The following PCNX2 variants were observed in gnomAD, a reference collection of about 807,000 sequenced individuals.
The protein encoded by PCNX2 is pecanex 2.
In PCNX2, 168 loss-of-function variants were observed where a neutral mutation model predicts 223.8. That is an observed-to-expected ratio of 0.75 (90% CI 0.66 to 0.85). The LOEUF (loss-of-function observed/expected upper bound fraction) is 0.85. Among genes scored for constraint, PCNX2 ranks in the 40% least tolerant of loss-of-function variants. The pLI, the probability that PCNX2 is intolerant of heterozygous loss-of-function variation, is 0.00. For missense variants in PCNX2, 2,507 were observed against 2,675.5 expected (o/e 0.94, Z 1.39); for synonymous variants, 1,006 against 1,052.6 (o/e 0.96, Z 0.86).
intron 23 of PCNX2, among the ~76,000 whole-genome samples, chr1:233,074,644 C>T (rs1165535161): frequency 7.5e-6 from 1 of 132,748 alleles, no homozygotes; most frequent in Non-Finnish European, 1.6e-5. Flanking sequence ...AGACAAGCTA[C>T]AGACTGGAAT....
intron 10 of PCNX2, among the ~76,000 whole-genome samples, chr1:233,221,188 T>A (rs1657355751): frequency 1.1e-5 from 1 of 89,218 alleles, no homozygotes. Context: ...AGGCTCAAGT[T>A]GAATTTTTTT....
chr1:233,177,749 C>T (rs1679562011), intron 17 of PCNX2, 53 bp downstream of exon 17: 3 of 1,462,886 alleles, frequency 2.1e-6, no homozygotes, highest in South Asian at 2.3e-5. Context: ...AGCCTGATCT[C>T]TGCTGAAAGA....
At chr1:233,161,430 A>G (rs41307672) in intron 17 of PCNX2, 67 bp from the exon 18 acceptor site, 22,243 of 1,366,798 alleles carry the variant, frequency 0.016, 260 homozygotes, top group Non-Finnish European at 0.019. Flanking sequence ...GTAACCAGGT[A>G]AATCAAGCAG....
intron 1 of PCNX2, among the ~76,000 whole-genome samples, chr1:233,266,114 CAG>C (rs528505041): frequency 2.7e-4 from 41 of 152,160 alleles, no homozygotes; most frequent in Non-Finnish European, 5.6e-4. Context: ...TAGTGGGAGA[CAG>C]AGATTTTACT....
intron 21 of PCNX2, among the ~76,000 whole-genome samples, chr1:233,130,142 C>G (rs1676384221): frequency 6.6e-6 from 1 of 152,150 alleles, no homozygotes; most frequent in Non-Finnish European, 1.5e-5. Context: ...AGACCACGAA[C>G]CCACCAGAAG....
chr1:233,183,472 T>C (rs978845727), intron 15 of PCNX2, among the ~76,000 whole-genome samples: 3 of 152,070 alleles, frequency 2.0e-5, no homozygotes, highest in African/African-American at 7.2e-5. Flanking sequence ...AGGAATTGAG[T>C]AGCTTACATC....
chr1:233,298,671 C>G (rs1367667057), upstream of PCNX2, among the ~76,000 whole-genome samples: 2 of 152,016 alleles, frequency 1.3e-5, no homozygotes, highest in Non-Finnish European at 2.9e-5. Flanking sequence ...GGTGGATCAC[C>G]TGAGGTCAGG....
intron 5 of PCNX2, 84 bp from the exon 6 acceptor site, chr1:233,252,872 C>A: frequency 7.4e-7 from 1 of 1,346,238 alleles, no homozygotes; most frequent in East Asian, 2.6e-5. Flanking sequence ...AAAACTGAAA[C>A]AAGAATAGAA....
At position 233,263,102 on chromosome 1, in the gene PCNX2, G is replaced by T. The variant is rs1660144242; in HGVS notation, c.215C>A (p.Thr72Lys). 6.2e-7 allele frequency: 1 copy of T among 1,613,148 alleles called. No homozygotes were observed. Among genetic ancestry groups the T allele is most frequent in the Non-Finnish European group, 8.5e-7 (1 of 1,179,384 alleles). The stretch of plus-strand genomic sequence containing the variant: ...GCGATAACTGACCAGTTTGATTATT[G>T]TGAAGAATATAGTCACTGCACTGCA... Reference protein sequence around the residue: ...FYCSAVTIFFTIIKLVSYRLH... With the variant: ...FYCSAVTIFFKIIKLVSYRLH... The change falls in exon 2 of 34, where the codon ACA (threonine) becomes AAA (lysine). Residue 72 changes from threonine to lysine, a missense_variant. By Grantham distance (78) the Thr-to-Lys change is moderately conservative. This residue lies in a region of PCNX2 where 1,031 missense variants were observed against 1,021.7 expected (regional missense o/e 1.01). Coordinates refer to ENST00000258229, the MANE Select transcript of PCNX2 (RefSeq NM_014801.4).
chr1:233,085,208 CTG>C (rs1304085836), intron 23 of PCNX2, among the ~76,000 whole-genome samples: 1 of 152,008 alleles, frequency 6.6e-6, no homozygotes. Flanking sequence ...TGGCGGGCCT[CTG>C]TAATCCCAGC....
intron 19 of PCNX2, among the ~76,000 whole-genome samples, chr1:233,152,681 G>C (rs974762678): frequency 6.6e-6 from 1 of 152,160 alleles, no homozygotes; most frequent in South Asian, 2.1e-4. Flanking sequence ...AAAACTGTAT[G>C]TATGACATGT....
chr1:233,276,213 C>A (rs2103015064), intron 1 of PCNX2, among the ~76,000 whole-genome samples: 1 of 152,186 alleles, frequency 6.6e-6, no homozygotes, highest in South Asian at 2.1e-4. Flanking sequence ...TCAAATAAGG[C>A]AATCACGAAC....
At position 233,199,004 on chromosome 1, in the gene PCNX2, A is replaced by T. The variant is rs773899080; in HGVS notation, c.3001T>A (p.Tyr1001Asn). 21 of 1,602,262 alleles carry T rather than the reference A, an allele frequency of 1.3e-5. No homozygotes were observed. The South Asian group carries it at 2.4e-4, about 18-fold the overall frequency. ...GCCAAGACGCTCCGGGCCACACTGTAAACAGCCGAGGTTATCCCAGACACA... is the reference window on the plus strand; with the variant it reads ...GCCAAGACGCTCCGGGCCACACTGTTAACAGCCGAGGTTATCCCAGACACA... ...SAVSGITSAV[Y>N]SVARSVLAAA... The change falls in exon 15 of 34, where the codon TAC becomes AAC. Residue 1001 changes from tyrosine (Y) to asparagine (N), a missense_variant. Around this residue, in one of 3 missense-constraint regions of PCNX2, gnomAD observed 1,372 missense variants for 1,509.4 expected, o/e 0.91. Transcript: ENST00000258229.
chr1:233,038,198 G>C (rs1219678524), intron 25 of PCNX2, among the ~76,000 whole-genome samples: 1 of 152,142 alleles, frequency 6.6e-6, no homozygotes, highest in Non-Finnish European at 1.5e-5. Flanking sequence ...AAATCACTAA[G>C]TATACATTGT....
intron 1 of PCNX2, chr1:233,291,627 AAG>A: frequency 1.1e-6 from 1 of 924,240 alleles, no homozygotes; most frequent in Non-Finnish European, 1.3e-6. Context: ...AAAAAAAAAA[AAG>A]AGGAAGAATG....
chr1:233,304,936 T>G, the PCNX2 span, among the ~76,000 whole-genome samples: 2 of 152,308 alleles, frequency 1.3e-5, no homozygotes, highest in Non-Finnish European at 2.9e-5. Flanking sequence ...TTCCTTAATC[T>G]TCTACACAAA....
At chr1:233,267,263 G>A (rs534767635) in intron 1 of PCNX2, among the ~76,000 whole-genome samples, 1 of 150,002 alleles carries the variant, frequency 6.7e-6, no homozygotes, top group South Asian at 2.2e-4. Flanking sequence ...GTTGCAATGA[G>A]CCAAGATCGC....
At chr1:233,059,029 C>T (rs1672303530) in intron 23 of PCNX2, among the ~76,000 whole-genome samples, 1 of 152,162 alleles carries the variant, frequency 6.6e-6, no homozygotes, top group Non-Finnish European at 1.5e-5. Context: ...TTTTCCTTTT[C>T]CACCCCTTCA....
chr1:233,138,199 A>G (rs765892571), intron 20 of PCNX2, among the ~76,000 whole-genome samples: 5 of 152,210 alleles, frequency 3.3e-5, no homozygotes, highest in Non-Finnish European at 7.3e-5. Context: ...ATTCACAGCT[A>G]TATAGATAAC....
Sources: allele counts gnomAD v4.1 joint callset (sites outside exome capture counted in the v4.1 genomes callset), GRCh38; gene constraint gnomAD v4.1.1; regional missense constraint gnomAD v4.1.1; transcripts MANE v1.5; gene names NCBI Gene and HGNC (gene_info 2026-07-23, HGNC 2026-07-21).